STXBP4: variants seen among roughly 807,000 people sequenced by gnomAD.
The protein encoded by STXBP4 is syntaxin binding protein 4, also known as syntaxin-binding protein 4.
A neutral mutation model predicts 76.1 loss-of-function variants in STXBP4; 55 were observed. The ratio of observed to expected loss-of-function variants is 0.72; its 90% CI spans 0.58 to 0.91. The LOEUF (loss-of-function observed/expected upper bound fraction) is 0.91. Among genes scored for constraint, STXBP4 ranks in the 40% least tolerant of loss-of-function variants. STXBP4 has a pLI of 0.00. For missense variants in STXBP4, 618 were observed against 636.9 expected (o/e 0.97, Z 0.32); for synonymous variants, 201 against 220.2 (o/e 0.91, Z 0.77).
At chr17:55,040,880 A>G (rs2144730894) in intron 10 of STXBP4, among the ~76,000 whole-genome samples, 1 of 152,324 alleles carries the variant, frequency 6.6e-6, no homozygotes. Flanking sequence ...TTAAATAACA[A>G]CAATTCATTT....
rs144820278 is a variant in STXBP4 at position 55,015,827 on chromosome 17, G to A, written c.666+8230G>A. Among the ~76,000 whole-genome samples, 498 of 152,268 alleles carry A rather than the reference G, an allele frequency of 3.3e-3. 1 individual carries two copies. The highest frequency in any genetic ancestry group is 0.011 in the African/African-American group (463 of 41,546). The stretch of plus-strand genomic sequence containing the variant: ...CATAAATCACACTTTTTACATAATT[G>A]CGAGTTGTCTCTTAATGAAAAGAAA... On this transcript the variant is annotated intron_variant, in intron 8 of 17. Transcript: ENST00000376352.
intron 15 of STXBP4, among the ~76,000 whole-genome samples, chr17:55,080,509 A>C (rs2079242843): frequency 1.3e-5 from 2 of 152,222 alleles, no homozygotes; most frequent in Middle Eastern, 3.4e-3. Flanking sequence ...TAATTAGATC[A>C]GAATGCATTC....
At chr17:55,115,480 A>G (rs2079770247) in intron 16 of STXBP4, among the ~76,000 whole-genome samples, 1 of 151,870 alleles carries the variant, frequency 6.6e-6, no homozygotes, top group African/African-American at 2.4e-5. Context: ...TTGTGTAACA[A>G]CTTGCCTTAG....
chr17:55,206,642 A>G, the STXBP4 span, among the ~76,000 whole-genome samples: 3 of 152,094 alleles, frequency 2.0e-5, no homozygotes, highest in Admixed American at 1.3e-4. Flanking sequence ...GGATCACCTG[A>G]GGTCAGGAGT....
At chr17:55,176,026 G>A (rs907323059), downstream of STXBP4, among the ~76,000 whole-genome samples, 1 of 152,202 alleles carries the variant, frequency 6.6e-6, no homozygotes, top group Admixed American at 6.5e-5. Flanking sequence ...GATTCCTGAC[G>A]CATGTGCAAG....
intron 16 of STXBP4, among the ~76,000 whole-genome samples, chr17:55,122,815 A>G (rs1290657818): frequency 6.6e-6 from 1 of 152,206 alleles, no homozygotes; most frequent in Admixed American, 6.5e-5. Context: ...AAGTAAAAGA[A>G]GAAACTTTTA....
chr17:55,204,813 A>AACACACAC, the STXBP4 span, among the ~76,000 whole-genome samples: 3 of 73,096 alleles, frequency 4.1e-5, no homozygotes, highest in South Asian at 6.6e-4. Flanking sequence ...TTCAAGATTA[A>AACACACAC]ACACACACAC....
chr17:54,971,193 A>T (rs746005750), intron 1 of STXBP4, among the ~76,000 whole-genome samples: 1 of 152,238 alleles, frequency 6.6e-6, no homozygotes, highest in Non-Finnish European at 1.5e-5. Context: ...TATTACAAGA[A>T]CACTTTCTCC....
chr17:55,035,891 CAAA>C (rs1430145020), intron 10 of STXBP4, among the ~76,000 whole-genome samples: 1 of 151,728 alleles, frequency 6.6e-6, no homozygotes, highest in African/African-American at 2.4e-5. Context: ...TTTTAATTGA[CAAA>C]TAATAATTTT....
chr17:55,111,230 A>G (rs1042352465), intron 16 of STXBP4, among the ~76,000 whole-genome samples: 2 of 152,056 alleles, frequency 1.3e-5, no homozygotes, highest in African/African-American at 4.8e-5. Flanking sequence ...TTCCAATTAC[A>G]CTTAGAGTAA....
intron 9 of STXBP4, among the ~76,000 whole-genome samples, chr17:55,032,937 C>T (rs1417872224): frequency 1.3e-5 from 2 of 152,060 alleles, no homozygotes; most frequent in African/African-American, 4.8e-5. Flanking sequence ...TTTTTTAGTG[C>T]CCGATTCTTA....
chr17:54,978,706 A>G (rs1188826472), intron 1 of STXBP4, among the ~76,000 whole-genome samples: 2 of 152,220 alleles, frequency 1.3e-5, no homozygotes, highest in African/African-American at 4.8e-5. Flanking sequence ...TTATCCAAAT[A>G]ATATATCAAA....
chr17:55,018,484 C>T lies in STXBP4; in HGVS notation c.666+10887C>T, dbSNP rs118010501. ...GAGCTCCCATAGAAAGGGAGGGGACCCAAAGAGGGTAGTCCGAGTTTGTTT... is the reference window on the plus strand; with the variant it reads ...GAGCTCCCATAGAAAGGGAGGGGACTCAAAGAGGGTAGTCCGAGTTTGTTT... On this transcript the variant is annotated intron_variant, in intron 8 of 17. Transcript: ENST00000376352. Among the ~76,000 whole-genome samples the T allele has an allele frequency of 4.2e-3, 640 of 152,180 alleles. 2 individuals carry two copies. Among genetic ancestry groups the T allele is most frequent in the Middle Eastern group, 6.8e-3 (2 of 294 alleles).
chr17:54,993,984 AT>A (rs1399392284), intron 4 of STXBP4, among the ~76,000 whole-genome samples: 5 of 152,316 alleles, frequency 3.3e-5, no homozygotes, highest in African/African-American at 1.2e-4. Flanking sequence ...CTCCTGGAAA[AT>A]ATGAGAATAA....
intron 17 of STXBP4, among the ~76,000 whole-genome samples, chr17:55,154,808 T>C (rs1457741614): frequency 1.3e-5 from 2 of 152,170 alleles, no homozygotes; most frequent in Non-Finnish European, 2.9e-5. Flanking sequence ...ATAAGTAATA[T>C]ATTACAATAG....
chr17:54,982,567 TATTA>T (rs1476380462), intron 1 of STXBP4, among the ~76,000 whole-genome samples: 2 of 151,210 alleles, frequency 1.3e-5, no homozygotes, highest in Non-Finnish European at 2.9e-5. Flanking sequence ...CTGTGTTATT[TATTA>T]ATTATGGGAA....
chr17:55,190,449 C>G, the STXBP4 span, among the ~76,000 whole-genome samples: 29,758 of 152,046 alleles, frequency 0.2, 3,287 homozygotes, highest in Middle Eastern at 0.37. Flanking sequence ...TTCACATTCC[C>G]CACCACCACT....
At chr17:55,185,302 T>C in the STXBP4 span, among the ~76,000 whole-genome samples, 356 of 78,336 alleles carry the variant, frequency 4.5e-3, 1 homozygote, top group African/African-American at 5.2e-3. Context: ...TCCTTCTCCT[T>C]CTCCTTCTCC....
chr17:55,072,763 T>G, intron 12 of STXBP4, 137 bp from the exon 13 acceptor site: 1 of 605,898 alleles, frequency 1.7e-6, no homozygotes, highest in Non-Finnish European at 2.5e-6. Context: ...ACTATTAATT[T>G]TCAAATTGAT....
Sources: allele counts gnomAD v4.1 joint callset (sites outside exome capture counted in the v4.1 genomes callset), GRCh38; gene constraint gnomAD v4.1.1; transcripts MANE v1.5; gene names NCBI Gene and HGNC (gene_info 2026-07-23, HGNC 2026-07-21).